Variants in ADAMTS17 observed in about 807,000 individuals in gnomAD.
ADAMTS17 encodes the protein A disintegrin and metalloproteinase with thrombospondin motifs 17.
Under a neutral mutation model 141.5 loss-of-function variants are expected in ADAMTS17, and 113 were observed. The observed-to-expected ratio is 0.80, with a 90% CI of 0.69 to 0.93. The LOEUF (loss-of-function observed/expected upper bound fraction) is 0.93. ADAMTS17 is among the 40% of genes least tolerant of loss of function. ADAMTS17 has a pLI of 0.00. For synonymous variants in ADAMTS17, 768 were observed against 630.6 expected (o/e 1.22, Z -3.27); for missense variants, 1,659 against 1,517.9 (o/e 1.09, Z -1.54).
At chr15:100,039,891 G>A (rs923922473) in intron 18 of ADAMTS17, among the ~76,000 whole-genome samples, 4 of 151,820 alleles carry the variant, frequency 2.6e-5, no homozygotes, top group Admixed American at 2.6e-4. Context: ...TGTATTTTAG[G>A]GTCTCATATG....
In ADAMTS17 at chr15:99,989,831, T is replaced by G. The variant is rs1596167630; in HGVS notation, c.2949+3217A>C. Reference sequence around the variant, plus strand: ...AACCGTGTGAACATTGGGTGGTGGATTTTGGGCAATGAAATGAAATGGGTT... The same window carrying G: ...AACCGTGTGAACATTGGGTGGTGGAGTTTGGGCAATGAAATGAAATGGGTT... On this transcript the variant is annotated intron_variant, in intron 20 of 21. Coordinates refer to ENST00000268070, the MANE Select transcript of ADAMTS17 (RefSeq NM_139057.4). 1.3e-5 allele frequency among the ~76,000 whole-genome samples: 2 copies of G among 152,174 alleles called. 1 individual carries two copies. Among genetic ancestry groups the G allele is most frequent in the Admixed American group, 1.3e-4 (2 of 15,286 alleles).
intron 14 of ADAMTS17, among the ~76,000 whole-genome samples, chr15:100,107,701 G>A (rs182656209): frequency 1.9e-4 from 29 of 152,168 alleles, no homozygotes; most frequent in African/African-American, 6.3e-4. Flanking sequence ...TCCACTATGC[G>A]AGGACACAGC....
chr15:100,182,630 C>T (rs546891209), intron 8 of ADAMTS17, among the ~76,000 whole-genome samples: 7 of 152,320 alleles, frequency 4.6e-5, no homozygotes, highest in Non-Finnish European at 2.9e-5. Context: ...AAACTAGGTA[C>T]TGTGAGTGCT....
intron 10 of ADAMTS17, among the ~76,000 whole-genome samples, chr15:100,150,032 T>A (rs879067951): frequency 1.3e-5 from 2 of 152,212 alleles, no homozygotes; most frequent in Non-Finnish European, 2.9e-5. Context: ...CTGCTAGTTA[T>A]TGGAGAGGAA....
chr15:100,136,266 T>TG (rs34799021), intron 10 of ADAMTS17, among the ~76,000 whole-genome samples: 19,926 of 152,194 alleles, frequency 0.13, 1,567 homozygotes, highest in Admixed American at 0.21. Context: ...ACAACAATGT[T>TG]GAACCACAGT....
chr15:100,293,822 T>G (rs564682949), intron 3 of ADAMTS17, among the ~76,000 whole-genome samples: 1 of 152,356 alleles, frequency 6.6e-6, no homozygotes, highest in Admixed American at 6.5e-5. Flanking sequence ...GCATAGTTAT[T>G]GAACGATTTG....
chr15:100,304,233 C>T (rs1228057603), intron 3 of ADAMTS17, among the ~76,000 whole-genome samples: 2 of 152,082 alleles, frequency 1.3e-5, no homozygotes, highest in African/African-American at 2.4e-5. Context: ...ATCCTTAGGG[C>T]ACAACCCCTT....
chr15:100,218,862 C>A (rs1483450110), intron 7 of ADAMTS17, among the ~76,000 whole-genome samples: 1 of 151,730 alleles, frequency 6.6e-6, no homozygotes, highest in Non-Finnish European at 1.5e-5. Context: ...TAAACACGCA[C>A]ACGTCCACCT....
chr15:100,109,263 G>A, intron 13 of ADAMTS17, 147 bp from the exon 14 acceptor site: 1 of 1,085,962 alleles, frequency 9.2e-7, no homozygotes, highest in Non-Finnish European at 1.3e-6. Context: ...ACGCGCTCCA[G>A]GAAGCGGAAA....
intron 18 of ADAMTS17, among the ~76,000 whole-genome samples, chr15:100,048,344 G>A (rs1459780219): frequency 3.9e-5 from 6 of 152,152 alleles, no homozygotes; most frequent in Non-Finnish European, 7.4e-5. Context: ...GACAACCCAA[G>A]AGAGTCCACA....
Position 99,972,753 on chromosome 15 carries a change from T to A in ADAMTS17, c.*1649A>T, listed in dbSNP as rs1040863176. ...GTGGAAGTGAGTAAATTCCCTGACA[T>A]CCCTACCGCTTCTCTGCCTCTAGGG... is the stretch of plus-strand genomic sequence containing the variant. On this transcript the variant is annotated 3_prime_UTR_variant, in exon 22 of 22. Transcript: ENST00000268070. 6.6e-6 allele frequency: 1 copy of A among 152,074 alleles called. No individual in the cohort carries two copies. Among genetic ancestry groups the A allele is most frequent in the East Asian group, 1.9e-4 (1 of 5,172 alleles). The allele number at this position is 152,074 out of a possible 1,614,324, so 9.4% of individuals were successfully genotyped here.
At chr15:100,024,419 A>G (rs978992923) in intron 18 of ADAMTS17, among the ~76,000 whole-genome samples, 4 of 152,174 alleles carry the variant, frequency 2.6e-5, no homozygotes, top group African/African-American at 9.7e-5. Context: ...AGAGCCATAC[A>G]TTACTGAACC....
intron 20 of ADAMTS17, among the ~76,000 whole-genome samples, chr15:99,977,030 C>T (rs555322319): frequency 3.0e-4 from 45 of 152,170 alleles, no homozygotes; most frequent in South Asian, 2.7e-3. Flanking sequence ...CCTGAGGCTC[C>T]GGGGCCTTTG....
At chr15:100,071,957 A>C (rs1218494166) in intron 15 of ADAMTS17, among the ~76,000 whole-genome samples, 1 of 150,224 alleles carries the variant, frequency 6.7e-6, no homozygotes, top group African/African-American at 2.5e-5. Context: ...GAAAAGAGGA[A>C]GTCAAATTGT....
chr15:100,030,210 C>T (rs375268838), intron 18 of ADAMTS17, among the ~76,000 whole-genome samples: 5 of 152,266 alleles, frequency 3.3e-5, no homozygotes, highest in Non-Finnish European at 5.9e-5. Flanking sequence ...TCCCAGGAAG[C>T]GGATTAAGAG....
chr15:100,063,696 G>A, intron 15 of ADAMTS17: 1 of 1,289,930 alleles, frequency 7.8e-7, no homozygotes, highest in Non-Finnish European at 1.0e-6. Flanking sequence ...GCTGTGGGCA[G>A]GTTTATCCTC....
At position 100,135,527 on chromosome 15, in the gene ADAMTS17, C is replaced by G. The variant is rs1051403467; in HGVS notation, c.1474-2212G>C. Among the ~76,000 whole-genome samples, 9 of 152,282 alleles carry G rather than the reference C, an allele frequency of 5.9e-5. No individual in the cohort carries two copies. The South Asian group carries it at 1.7e-3, about 28-fold the overall frequency. Reference sequence around the variant, plus strand: ...CTCAATCTCCTGACCTCGTGATCCACCCGTCTCAGTCTCCCAAAGTGCTGG... The same window carrying G: ...CTCAATCTCCTGACCTCGTGATCCAGCCGTCTCAGTCTCCCAAAGTGCTGG... On this transcript the variant is annotated intron_variant, in intron 10 of 21. Transcript: ENST00000268070.
intron 9 of ADAMTS17, among the ~76,000 whole-genome samples, chr15:100,153,601 G>C (rs150053927): frequency 1.3e-5 from 2 of 152,048 alleles, no homozygotes. Flanking sequence ...CCAAGATAGC[G>C]CCACTGCACT....
intron 13 of ADAMTS17, among the ~76,000 whole-genome samples, chr15:100,113,369 G>A (rs893260292): frequency 3.3e-5 from 5 of 152,178 alleles, no homozygotes; most frequent in Admixed American, 1.3e-4. Flanking sequence ...GGACTGATGT[G>A]AGCTCTAGGT....
Sources: allele counts gnomAD v4.1 joint callset (sites outside exome capture counted in the v4.1 genomes callset), GRCh38; gene constraint gnomAD v4.1.1; transcripts MANE v1.5; gene names NCBI Gene and HGNC (gene_info 2026-07-23, HGNC 2026-07-21).